The following SEH1L variants were observed in gnomAD, a reference collection of about 807,000 sequenced individuals.
SEH1L encodes the protein nucleoporin SEH1.
In SEH1L, 18 loss-of-function variants were observed where a neutral mutation model predicts 49.5. That is an observed-to-expected ratio of 0.36 (90% confidence interval 0.25 to 0.54). The LOEUF (loss-of-function observed/expected upper bound fraction) is 0.54. Among genes scored for constraint, SEH1L ranks in the 20% least tolerant of loss-of-function variants. SEH1L has a pLI of 0.87. For missense variants in SEH1L, 404 were observed against 528.8 expected, an observed-to-expected ratio of 0.76 and a Z score of 2.31; for synonymous variants, 169 against 178.1, an observed-to-expected ratio of 0.95 and a Z score of 0.41.
intron 4 of SEH1L, among the ~76,000 whole-genome samples, chr18:12,966,712 G>A (rs2031469651): frequency 6.6e-6 from 1 of 152,192 alleles, no homozygotes; most frequent in Non-Finnish European, 1.5e-5. Flanking sequence ...AATCCTGCTT[G>A]ACACTCAGTG....
chr18:12,960,098 A>G lies in SEH1L; in HGVS notation c.310-3062A>G, dbSNP rs540291109. ...CTCAGGTAACGCCTTGAGCAACCAG[A>G]TGTCTGGTTGTTAGCAGCTGGTCAC... On this transcript the variant is annotated intron_variant, in intron 3 of 8. Transcript: ENST00000399892. Among the ~76,000 whole-genome samples, 16 of 152,298 alleles carry G rather than the reference A, an allele frequency of 1.1e-4. No homozygotes were observed. The South Asian group carries it at 3.3e-3, about 32-fold the overall frequency.
intron 3 of SEH1L, among the ~76,000 whole-genome samples, chr18:12,960,399 G>T (rs2031115235): frequency 6.6e-6 from 1 of 152,218 alleles, no homozygotes; most frequent in Admixed American, 6.5e-5. Flanking sequence ...CCTGTTGAAT[G>T]GTCTTGACAC....
intron 5 of SEH1L, chr18:12,977,519 GT>G (rs1231192108): frequency 6.6e-6 from 1 of 152,272 alleles, no homozygotes; most frequent in African/African-American, 2.4e-5. Flanking sequence ...GAGGTCAGGA[GT>G]TCAAGACCAG....
chr18:12,980,362 G>C (rs2032155763), intron 6 of SEH1L, among the ~76,000 whole-genome samples: 1 of 126,538 alleles, frequency 7.9e-6, no homozygotes, highest in Non-Finnish European at 1.7e-5. Context: ...CGGCTGGCAG[G>C]GCGGGGGGCT....
chr18:12,951,262 C>G (rs1236854688), intron 1 of SEH1L, among the ~76,000 whole-genome samples: 1 of 152,170 alleles, frequency 6.6e-6, no homozygotes, highest in Non-Finnish European at 1.5e-5. Flanking sequence ...TTTGTTCTTT[C>G]TGTTGGTGAT....
intron 6 of SEH1L, among the ~76,000 whole-genome samples, chr18:12,980,983 A>T (rs2032222134): frequency 6.7e-6 from 1 of 148,948 alleles, no homozygotes; most frequent in Admixed American, 6.6e-5. Context: ...CACTTCCCAG[A>T]CGGGGTGGCT....
intron 4 of SEH1L, among the ~76,000 whole-genome samples, chr18:12,967,660 T>C (rs996807884): frequency 6.6e-6 from 1 of 152,192 alleles, no homozygotes; most frequent in African/African-American, 2.4e-5. Flanking sequence ...ACGCCTGTTA[T>C]CCCAGCACTT....
intron 1 of SEH1L, among the ~76,000 whole-genome samples, chr18:12,949,634 T>A (rs910394924): frequency 2.0e-5 from 3 of 151,622 alleles, no homozygotes; most frequent in African/African-American, 7.3e-5. Flanking sequence ...TTGTATTTTT[T>A]AGTAGAGACA....
intron 5 of SEH1L, chr18:12,974,154 A>G (rs1356437780): frequency 6.6e-6 from 1 of 152,142 alleles, no homozygotes; most frequent in Non-Finnish European, 1.5e-5. Context: ...TAAGTTCAGC[A>G]CTTTTTGGAG....
rs546010546 is a variant in SEH1L at position 12,970,380 on chromosome 18, G to A, written c.522-773G>A. Among the ~76,000 whole-genome samples the A allele has an allele frequency of 2.0e-5, 3 of 152,234 alleles. No individual in the cohort carries two copies. The East Asian group carries it at 5.8e-4, about 29-fold the overall frequency. The stretch of plus-strand genomic sequence containing the variant: ...CGTGGGGATCGTGACTTCTGCAGGG[G>A]TAGTCTTTTCCACTTTTCCCCTGTC... On this transcript the variant is annotated intron_variant, in intron 4 of 8. Coordinates refer to ENST00000399892, the MANE Select transcript of SEH1L (RefSeq NM_001013437.2).
chr18:12,962,607 A>G (rs1030558355), intron 3 of SEH1L, among the ~76,000 whole-genome samples: 79 of 150,136 alleles, frequency 5.3e-4, no homozygotes, highest in Non-Finnish European at 8.6e-4. Context: ...AGCTGGGGCC[A>G]CAGGCGTGCA....
chr18:12,979,048 G>A (rs1425125002), intron 6 of SEH1L, among the ~76,000 whole-genome samples, 156 bp downstream of exon 6: 1 of 151,480 alleles, frequency 6.6e-6, no homozygotes, highest in South Asian at 2.1e-4. Flanking sequence ...TTTTAAAAAT[G>A]GTCTTTTACA....
chr18:12,948,347 G>A, intron 1 of SEH1L, 115 bp downstream of exon 1: 2 of 766,798 alleles, frequency 2.6e-6, no homozygotes, highest in Non-Finnish European at 4.3e-6. Flanking sequence ...AAGCTGTGGG[G>A]TGGCGGGCGA....
intron 8 of SEH1L, chr18:12,985,645 C>A: frequency 1.0e-6 from 1 of 990,980 alleles, no homozygotes; most frequent in Non-Finnish European, 1.2e-6. Flanking sequence ...ATTTCTTTTG[C>A]TTTCTTAAAA....
chr18:12,984,589 AT>A (rs1189296410), intron 8 of SEH1L: 1 of 159,772 alleles, frequency 6.3e-6, no homozygotes, highest in Non-Finnish European at 1.4e-5. Context: ...AATAAAATAC[AT>A]TTCTTAAGGC....
rs145679761 is a variant in SEH1L, at chr18:12,955,588, A to G, written c.288A>G (p.Lys96=). ...AAATAGTAGGAGAATCAAATGATAA[A>G]CTGCGAGGACAGAGCCACTGGGTGA... ...WEEIVGESND[K]LRGQSHWVKR... is the part of the protein sequence containing the mutation. Residue 96 remains lysine (K), a synonymous_variant, in exon 3 of 9, where the codon AAA becomes AAG. Transcript: ENST00000399892. 580 of 1,614,042 alleles carry G rather than the reference A, an allele frequency of 3.6e-4. No individual in the cohort carries two copies. Among genetic ancestry groups the G allele is most frequent in the Middle Eastern group, 1.3e-3 (8 of 6,062 alleles).
chr18:12,984,120 A>G lies in SEH1L; in HGVS notation c.1000A>G (p.Thr334Ala), dbSNP rs373702875. 1.9e-5 allele frequency: 31 copies of G among 1,597,272 alleles called. No individual in the cohort carries two copies. In the African/African-American group the frequency reaches 4.2e-4, roughly 21 times the overall value. ...AGTCAATGGGAGTTCTCAGCAGGGA[A>G]CCTCAAATCCTTCCCTAGGTTCAAC... ...SPVNGSSQQG[T>A]SNPSLGSTIP... The change falls in exon 8 of 9, where the codon ACC (threonine) becomes GCC (alanine). Residue 334 changes from threonine (T) to alanine (A), a missense_variant. Physicochemically the swap from Thr to Ala is moderately conservative, Grantham distance 58. Coordinates refer to ENST00000399892, the MANE Select transcript of SEH1L (RefSeq NM_001013437.2).
chr18:12,965,047 T>C (rs1348033743), intron 4 of SEH1L, among the ~76,000 whole-genome samples: 2 of 108,484 alleles, frequency 1.8e-5, no homozygotes, highest in Middle Eastern at 6.9e-3. Context: ...GGAGTCTCGC[T>C]CTGTCACCCA....
chr18:12,948,097 C>A lies in SEH1L; in HGVS notation c.-25C>A, dbSNP rs772992074. ...CCGCTGCCGCCGCCACTGTCCTCTT[C>A]GGAGGCGCGGGCCCGACGGAAACCA... On this transcript the variant is annotated 5_prime_UTR_variant, in exon 1 of 9. Transcript: ENST00000399892. 3.5e-5 allele frequency: 56 copies of A among 1,586,590 alleles called. No individual in the cohort carries two copies. The highest frequency in any genetic ancestry group is 4.6e-5 in the Non-Finnish European group (53 of 1,159,494).
Sources: allele counts gnomAD v4.1 joint callset (sites outside exome capture counted in the v4.1 genomes callset), GRCh38; gene constraint gnomAD v4.1.1; transcripts MANE v1.5; gene names NCBI Gene and HGNC (gene_info 2026-07-23, HGNC 2026-07-21).